The following CFAP54 variants were observed in gnomAD, a reference collection of about 807,000 sequenced individuals.
The protein encoded by CFAP54 is cilia- and flagella-associated protein 54.
In CFAP54, 290 loss-of-function variants were observed where a neutral mutation model predicts 370.4. The observed-to-expected ratio is 0.78, with a 90% confidence interval of 0.71 to 0.86. The LOEUF (loss-of-function observed/expected upper bound fraction) is 0.86, where lower values mean the gene tolerates loss of function less well. CFAP54 is among the 40% of genes least tolerant of loss of function. The pLI is 0.00. For synonymous variants in CFAP54, 1,206 were observed against 1,236.5 expected, an observed-to-expected ratio of 0.98 and a Z score of 0.52; for missense variants, 3,399 against 3,528.7, an observed-to-expected ratio of 0.96 and a Z score of 0.93.
intron 5 of CFAP54, among the ~76,000 whole-genome samples, chr12:96,516,238 A>G (rs1206320569): frequency 6.6e-6 from 1 of 152,066 alleles, no homozygotes; most frequent in East Asian, 1.9e-4. Flanking sequence ...TATATAATAG[A>G]TAAGGAAGCT....
chr12:96,766,613 C>G (rs555930575), intron 60 of CFAP54, among the ~76,000 whole-genome samples: 1 of 152,294 alleles, frequency 6.6e-6, no homozygotes, highest in East Asian at 1.9e-4. Context: ...TTTCATTTCT[C>G]TCAGCCTCAT....
chr12:96,823,631 G>C (rs1021509419), intron 65 of CFAP54, among the ~76,000 whole-genome samples: 3 of 152,188 alleles, frequency 2.0e-5, no homozygotes, highest in Non-Finnish European at 4.4e-5. Flanking sequence ...GTAGGAGTCT[G>C]TCTCTCCAAT....
intron 8 of CFAP54, among the ~76,000 whole-genome samples, chr12:96,525,901 G>A (rs1272187035): frequency 6.6e-6 from 1 of 152,206 alleles, no homozygotes; most frequent in Non-Finnish European, 1.5e-5. Context: ...ATATTGGCCA[G>A]GCTGGTCTCG....
intron 48 of CFAP54, among the ~76,000 whole-genome samples, chr12:96,715,272 A>G (rs1386703380): frequency 1.7e-5 from 1 of 58,152 alleles, no homozygotes; most frequent in Non-Finnish European, 2.7e-5. Flanking sequence ...TAAAGTGAGA[A>G]GAGTTAGCAT....
At chr12:96,631,412 T>C (rs542859884) in intron 32 of CFAP54, among the ~76,000 whole-genome samples, 24 of 151,884 alleles carry the variant, frequency 1.6e-4, no homozygotes, top group Non-Finnish European at 2.7e-4. Flanking sequence ...TGAATTCATA[T>C]GTCAACCACA....
At chr12:96,700,215 G>A (rs1957477376) in intron 46 of CFAP54, 122 bp downstream of exon 46, 1 of 1,109,352 alleles carries the variant, frequency 9.0e-7, no homozygotes, top group Non-Finnish European at 1.3e-6. Flanking sequence ...TCTTTGTTAA[G>A]CCTGGTTACA....
At chr12:96,836,468 G>A (rs1331530307) in intron 66 of CFAP54, among the ~76,000 whole-genome samples, 1 of 152,142 alleles carries the variant, frequency 6.6e-6, no homozygotes, top group Non-Finnish European at 1.5e-5. Context: ...ATTTTATTGG[G>A]CAGGTGCAAG....
rs765121691 is a variant in CFAP54, at chr12:96,684,988, T to A, written c.5805-41T>A. ...TCTGGAAGATAGATTTAATAATGGGTCTCAGAAAACTTACTGCTTGATGCT... is the reference window on the plus strand; with the variant it reads ...TCTGGAAGATAGATTTAATAATGGGACTCAGAAAACTTACTGCTTGATGCT... On this transcript the variant is annotated intron_variant, in intron 41 of 67. Coordinates refer to ENST00000524981, the MANE Select transcript of CFAP54 (RefSeq NM_001306084.2). The A allele has an allele frequency of 3.2e-6, 5 of 1,583,820 alleles. No individual in the cohort carries two copies. In the South Asian group the frequency reaches 4.5e-5, roughly 14 times the overall value.
intron 17 of CFAP54, among the ~76,000 whole-genome samples, chr12:96,558,610 G>A (rs1955781055): frequency 6.6e-6 from 1 of 151,986 alleles, no homozygotes; most frequent in Non-Finnish European, 1.5e-5. Flanking sequence ...AACTCATTTT[G>A]ACAAACATAC....
At chr12:96,495,400 C>T (rs1179451956) in intron 1 of CFAP54, among the ~76,000 whole-genome samples, 3 of 151,706 alleles carry the variant, frequency 2.0e-5, no homozygotes, top group South Asian at 2.1e-4. Context: ...GTCTGCCTCC[C>T]GGGTGCAGTC....
At chr12:96,815,350 C>T (rs1040983026) in intron 64 of CFAP54, among the ~76,000 whole-genome samples, 2 of 152,056 alleles carry the variant, frequency 1.3e-5, no homozygotes, top group Non-Finnish European at 2.9e-5. Context: ...GCCTAAATGT[C>T]TTTTTTTGAG....
chr12:96,630,509 A>C, intron 31 of CFAP54, 42 bp from the exon 32 acceptor site: 1 of 1,089,986 alleles, frequency 9.2e-7, no homozygotes, highest in Non-Finnish European at 1.3e-6. Context: ...ACTGTGTTCA[A>C]AGTTTAAATT....
At chr12:96,614,550 A>T (rs1417842241) in intron 26 of CFAP54, among the ~76,000 whole-genome samples, 1 of 152,196 alleles carries the variant, frequency 6.6e-6, no homozygotes. Context: ...AGGGTATTCA[A>T]TTAGGAAAAG....
In CFAP54 at chr12:96,871,342, T is replaced by C. The variant is rs906357457; in HGVS notation, c.*15-3776T>C. Among the ~76,000 whole-genome samples the C allele has an allele frequency of 2.0e-5, 3 of 152,260 alleles. No individual in the cohort carries two copies. In the South Asian group the frequency reaches 6.2e-4, roughly 32 times the overall value. The stretch of plus-strand genomic sequence containing the variant: ...TTAAAACCCTAGGAGGGAAATACCT[T>C]AAGAATAAGGATTTTAGAACCAAGG... On this transcript the variant is annotated intron_variant, in intron 67 of 67. Coordinates refer to ENST00000524981, the MANE Select transcript of CFAP54 (RefSeq NM_001306084.2).
At chr12:96,823,439 A>T (rs1042320727) in intron 65 of CFAP54, among the ~76,000 whole-genome samples, 2 of 152,126 alleles carry the variant, frequency 1.3e-5, no homozygotes, top group Non-Finnish European at 2.9e-5. Flanking sequence ...CTGTGGAGAA[A>T]ACTCATTCCA....
intron 59 of CFAP54, 57 bp downstream of exon 59, chr12:96,764,306 T>C: frequency 7.6e-7 from 1 of 1,309,762 alleles, no homozygotes. Flanking sequence ...ATTCTCTGCC[T>C]TTAAAGAACA....
At chr12:96,807,578 G>A (rs58757698) in intron 63 of CFAP54, among the ~76,000 whole-genome samples, 4,061 of 152,246 alleles carry the variant, frequency 0.027, 190 homozygotes, top group African/African-American at 0.091. Flanking sequence ...AGTGAGTAAG[G>A]GAGCATTGAA....
At chr12:96,514,097 C>T (rs763024769) in intron 5 of CFAP54, among the ~76,000 whole-genome samples, 2 of 152,122 alleles carry the variant, frequency 1.3e-5, no homozygotes, top group East Asian at 3.8e-4. Flanking sequence ...GGAATGTAGG[C>T]CAAGAAGGGC....
intron 42 of CFAP54, among the ~76,000 whole-genome samples, chr12:96,685,532 T>C (rs1020843069): frequency 7.0e-6 from 1 of 141,928 alleles, no homozygotes; most frequent in Non-Finnish European, 1.5e-5. Flanking sequence ...ATTCAATAAC[T>C]ACTTGTTTTT....
Sources: allele counts gnomAD v4.1 joint callset (sites outside exome capture counted in the v4.1 genomes callset), GRCh38; gene constraint gnomAD v4.1.1; transcripts MANE v1.5; gene names NCBI Gene and HGNC (gene_info 2026-07-23, HGNC 2026-07-21).